The following AUTS2 variants were observed in gnomAD, a reference collection of about 807,000 sequenced individuals.
AUTS2 encodes the protein activator of transcription and developmental regulator AUTS2.
Under a neutral mutation model 112.4 loss-of-function variants are expected in AUTS2, and 17 were observed. The observed-to-expected ratio is 0.15, with a 90% CI of 0.10 to 0.23. The LOEUF is 0.23. AUTS2 is among the 10% of genes least tolerant of loss of function. AUTS2 has a pLI of 1.00. For synonymous variants in AUTS2, 751 were observed against 702.7 expected (o/e 1.07, Z -1.09); for missense variants, 1,510 against 1,701.6 (o/e 0.89, Z 1.98).
intron 5 of AUTS2, among the ~76,000 whole-genome samples, chr7:70,622,151 T>C (rs1031225631): frequency 6.6e-6 from 1 of 152,150 alleles, no homozygotes; most frequent in Non-Finnish European, 1.5e-5. Flanking sequence ...ATAGTCATTC[T>C]TAAGGGCATG....
At chr7:69,619,771 C>G (rs1278201082) in intron 1 of AUTS2, among the ~76,000 whole-genome samples, 1 of 152,156 alleles carries the variant, frequency 6.6e-6, no homozygotes, top group Non-Finnish European at 1.5e-5. Flanking sequence ...AAACAGTGAA[C>G]TAAACAAAGC....
chr7:70,543,094 AAATAT>A (rs1415271766), intron 5 of AUTS2, among the ~76,000 whole-genome samples: 4 of 152,216 alleles, frequency 2.6e-5, no homozygotes, highest in African/African-American at 7.2e-5. Context: ...TGTCTTGTGG[AAATAT>A]AATATAAGTA....
At chr7:69,760,454 A>G (rs1163405834) in intron 1 of AUTS2, among the ~76,000 whole-genome samples, 1 of 152,094 alleles carries the variant, frequency 6.6e-6, no homozygotes, top group Non-Finnish European at 1.5e-5. Context: ...TTTACAGATC[A>G]CTTCTTTCTA....
chr7:70,011,049 C>T (rs915180497), intron 2 of AUTS2, among the ~76,000 whole-genome samples: 7 of 152,172 alleles, frequency 4.6e-5, no homozygotes, highest in Admixed American at 1.3e-4. Context: ...ATTGGAGATA[C>T]ACTTTTAAAA....
At chr7:70,507,281 G>A (rs1261348725) in intron 5 of AUTS2, among the ~76,000 whole-genome samples, 1 of 152,158 alleles carries the variant, frequency 6.6e-6, no homozygotes, top group African/African-American at 2.4e-5. Context: ...GCTCACAACT[G>A]TAATACCACT....
rs528781845 is a variant in AUTS2, at chr7:70,540,016, T to C, written c.690+104235T>C. The stretch of plus-strand genomic sequence containing the variant: ...TCCAGCCATTAGCTTTTTGTGGTGT[T>C]GAAGGTTTCTTTCTCCCTTTTTTTT... On this transcript the variant is annotated intron_variant, in intron 5 of 18. Coordinates refer to ENST00000342771, the MANE Select transcript of AUTS2 (RefSeq NM_015570.4). Among the ~76,000 whole-genome samples, 328 of 152,328 alleles carry C rather than the reference T, an allele frequency of 2.2e-3. 1 individual carries two copies. The highest frequency in any genetic ancestry group is 3.9e-3 in the Non-Finnish European group (264 of 68,030).
At chr7:69,951,838 A>C (rs1373040969) in intron 2 of AUTS2, among the ~76,000 whole-genome samples, 1 of 152,198 alleles carries the variant, frequency 6.6e-6, no homozygotes, top group Non-Finnish European at 1.5e-5. Flanking sequence ...TTAGAGAGGA[A>C]AAATGTGGCT....
At chr7:70,058,330 C>T (rs1311889951) in intron 2 of AUTS2, among the ~76,000 whole-genome samples, 1 of 152,144 alleles carries the variant, frequency 6.6e-6, no homozygotes, top group Non-Finnish European at 1.5e-5. Context: ...AATTCATGGC[C>T]TCCTTTTATC....
intron 4 of AUTS2, among the ~76,000 whole-genome samples, chr7:70,280,116 A>C (rs770747623): frequency 1.3e-5 from 2 of 152,144 alleles, no homozygotes; most frequent in African/African-American, 2.4e-5. Context: ...CAGTTGCTTC[A>C]CAATGTCTGC....
At chr7:70,574,611 T>TGCTGGGTTTTAACTTTAACACAG (rs1267079010) in intron 5 of AUTS2, among the ~76,000 whole-genome samples, 4 of 152,112 alleles carry the variant, frequency 2.6e-5, no homozygotes, top group Non-Finnish European at 4.4e-5. Context: ...AGTGCATGCA[T>TGCTGGGTTTTAACTTTAACACAG]GCTGGGTTTT....
intron 16 of AUTS2, among the ~76,000 whole-genome samples, chr7:70,785,751 G>A (rs1321859956): frequency 6.6e-6 from 1 of 152,240 alleles, no homozygotes; most frequent in African/African-American, 2.4e-5. Flanking sequence ...TGTAGAAGAA[G>A]AGTCCTCAGA....
chr7:70,344,443 T>C (rs1375858121), intron 4 of AUTS2, among the ~76,000 whole-genome samples: 1 of 152,186 alleles, frequency 6.6e-6, no homozygotes, highest in Non-Finnish European at 1.5e-5. Context: ...CCAGTTCAAA[T>C]TCAGCCCTTA....
At chr7:70,321,345 G>A (rs540967690) in intron 4 of AUTS2, among the ~76,000 whole-genome samples, 31 of 152,276 alleles carry the variant, frequency 2.0e-4, no homozygotes, top group Middle Eastern at 3.4e-3. Flanking sequence ...TATTAGAATA[G>A]CTTTGCGTTA....
At chr7:70,548,879 C>G (rs913563708) in intron 5 of AUTS2, among the ~76,000 whole-genome samples, 1 of 151,422 alleles carries the variant, frequency 6.6e-6, no homozygotes, top group Non-Finnish European at 1.5e-5. Flanking sequence ...GGCTTTGTGT[C>G]CTTTGCATTT....
chr7:70,486,935 T>A (rs1368439856), intron 5 of AUTS2, among the ~76,000 whole-genome samples: 1 of 130,546 alleles, frequency 7.7e-6, no homozygotes, highest in African/African-American at 2.9e-5. Context: ...AGGTTGCATA[T>A]CATCACTTTA....
intron 1 of AUTS2, among the ~76,000 whole-genome samples, chr7:69,650,073 G>T (rs1467440875): frequency 6.6e-6 from 1 of 152,208 alleles, no homozygotes; most frequent in Non-Finnish European, 1.5e-5. Flanking sequence ...GGAATGGGTA[G>T]GAGTTAAAAA....
intron 6 of AUTS2, among the ~76,000 whole-genome samples, chr7:70,715,036 C>T (rs1810279055): frequency 6.6e-6 from 1 of 152,224 alleles, no homozygotes; most frequent in African/African-American, 2.4e-5. Flanking sequence ...ACTTTTCTAG[C>T]ATTATTCCAC....
At chr7:70,408,647 C>T (rs952835644) in intron 4 of AUTS2, among the ~76,000 whole-genome samples, 3 of 152,126 alleles carry the variant, frequency 2.0e-5, no homozygotes, top group Admixed American at 2.0e-4. Context: ...TAAATTACTT[C>T]CCCCACCACC....
intron 1 of AUTS2, among the ~76,000 whole-genome samples, chr7:69,805,996 C>T (rs1029346296): frequency 4.6e-5 from 7 of 151,788 alleles, no homozygotes; most frequent in Admixed American, 3.9e-4. Flanking sequence ...AACTCCTAGG[C>T]TCACACGATT....
Sources: gnomAD v4.1 joint callset for allele counts (sites outside exome capture counted in the v4.1 genomes callset) on GRCh38, gnomAD v4.1.1 for gene constraint, MANE v1.5 for transcripts, NCBI Gene and HGNC (gene_info 2026-07-23, HGNC 2026-07-21) for gene names.